The following CFAP92 variants were observed in gnomAD, a reference collection of about 807,000 sequenced individuals.
CFAP92 encodes the protein cilia and flagella associated protein 92 (putative), also known as uncharacterized protein CFAP92.
In CFAP92, 86 loss-of-function variants were observed where a neutral mutation model predicts 106.3. The ratio of observed to expected loss-of-function variants is 0.81; its 90% CI spans 0.68 to 0.97. The LOEUF (loss-of-function observed/expected upper bound fraction) is 0.97, where lower values mean the gene tolerates loss of function less well. Ranked by LOEUF, CFAP92 falls within the 50% of genes least tolerant of loss-of-function variation. The pLI is 0.00. For synonymous variants in CFAP92, 477 were observed against 506.4 expected (o/e 0.94, Z 0.78); for missense variants, 1,204 against 1,283.8 (o/e 0.94, Z 0.95).
At chr3:128,995,998 T>G (rs1023579692), upstream of CFAP92, among the ~76,000 whole-genome samples, 2 of 152,090 alleles carry the variant, frequency 1.3e-5, no homozygotes, top group Non-Finnish European at 2.9e-5. Context: ...GTCAAAAGAG[T>G]GCAGAGGAAA....
Position 128,910,903 on chromosome 3 carries a change from A to G in CFAP92, c.3281-570T>C. ...TGTTTCTGGACCCTGTCAAGCTCCC[A>G]GAGCCTGCTAGCTACTCACAGACCT... On this transcript the variant is annotated intron_variant, in intron 15 of 15. Coordinates refer to ENST00000645291, the MANE Select transcript of CFAP92 (RefSeq NM_001394090.1). 3 of 1,458,000 alleles carry G rather than the reference A, an allele frequency of 2.1e-6. No individual in the cohort carries two copies. The African/African-American group carries it at 4.2e-5, about 20-fold the overall frequency. The allele number at this position is 1,458,000 out of a possible 1,614,324, so 90.3% of individuals were successfully genotyped here.
chr3:129,004,947 A>G (rs551746152), upstream of CFAP92, among the ~76,000 whole-genome samples: 32 of 152,290 alleles, frequency 2.1e-4, no homozygotes, highest in South Asian at 6.0e-3. Flanking sequence ...GGTGGAACAC[A>G]GATTGGGGTC....
chr3:128,912,904 C>T (rs1200091367), intron 15 of CFAP92: 2 of 570,020 alleles, frequency 3.5e-6, no homozygotes, highest in South Asian at 1.4e-5. Flanking sequence ...ATAGTGGAAA[C>T]TGGGGCTTAT....
At chr3:128,951,661 GAA>G (rs1940820432) in intron 9 of CFAP92, among the ~76,000 whole-genome samples, 1 of 152,156 alleles carries the variant, frequency 6.6e-6, no homozygotes, top group African/African-American at 2.4e-5. Flanking sequence ...AGGACCCCAA[GAA>G]AAGTCTGCTT....
Position 128,971,318 on chromosome 3 carries a change from G to A in CFAP92, c.1137C>T (p.Ser379=). 2 of 1,613,692 alleles carry A rather than the reference G, an allele frequency of 1.2e-6. No individual in the cohort carries two copies. The highest frequency in any genetic ancestry group is 1.7e-4 in the Middle Eastern group (1 of 6,060). The part of the protein sequence containing the change: ...LTGPRKQSAF[S]IQLAVMPLLA... Reference sequence around the variant, plus strand: ...GGAGCGGCATGACGGCCAGCTGGATGGAGAAAGCGCTCTGCTTCCTGGGGC... The same window carrying A: ...GGAGCGGCATGACGGCCAGCTGGATAGAGAAAGCGCTCTGCTTCCTGGGGC... Residue 379 remains serine (S), a synonymous_variant, in exon 8 of 16, where the codon TCC becomes TCT. Transcript: ENST00000645291.
At chr3:128,989,081 T>A (rs1944046219) in intron 2 of CFAP92, among the ~76,000 whole-genome samples, 163 bp from the exon 3 acceptor site, 1 of 151,882 alleles carries the variant, frequency 6.6e-6, no homozygotes, top group Non-Finnish European at 1.5e-5. Context: ...GCCAGCAGAG[T>A]AGCACGACCT....
Position 128,945,297 on chromosome 3 carries a change from G to A in CFAP92, c.2032C>T (p.Gln678Ter). The A allele has an allele frequency of 6.5e-7, 1 of 1,536,172 alleles. No homozygotes were observed. Among genetic ancestry groups the A allele is most frequent in the Non-Finnish European group, 8.7e-7 (1 of 1,146,914 alleles). The stretch of plus-strand genomic sequence containing the variant: ...TTAGCGTTGATCATGGTGATGTCCT[G>A]CAGCAGGCTGTGGAGCAGGGAGACC... Reference protein sequence around the residue: ...KKVSLLHSLLQDITMINAKAL... With the variant: ...KKVSLLHSLL Residue 678 changes from glutamine (Q) to a stop codon, truncating the protein, a stop_gained, in exon 10 of 16, where the codon CAG becomes TAG. Transcript: ENST00000645291. LOFTEE classifies it high-confidence loss of function.
In CFAP92 at chr3:128,914,916, C is replaced by T. The variant is rs976121481; in HGVS notation, c.3280+203G>A. 3 of 581,246 alleles carry T rather than the reference C, an allele frequency of 5.2e-6. No individual in the cohort carries two copies. The African/African-American group carries it at 5.6e-5, about 11-fold the overall frequency. The allele number at this position is 581,246 out of a possible 1,614,324, so 36.0% of individuals were successfully genotyped here. A position where few individuals can be genotyped will look rare whatever the true frequency, so the allele number is the denominator to read the frequency against. On this transcript the variant is annotated intron_variant, in intron 15 of 15. Coordinates refer to ENST00000645291, the MANE Select transcript of CFAP92 (RefSeq NM_001394090.1). ...TGCCTCAAGTCACACAAATGTCACA[C>T]TTGGGGCTAGAATCCTGGTCTGAGT...
intron 9 of CFAP92, among the ~76,000 whole-genome samples, chr3:128,957,200 G>T (rs1483502207): frequency 6.6e-6 from 1 of 152,150 alleles, no homozygotes; most frequent in Non-Finnish European, 1.5e-5. Context: ...AGGAAGAAAG[G>T]ATAATGGAAT....
At chr3:128,984,865 C>T (rs758218690) in intron 4 of CFAP92, among the ~76,000 whole-genome samples, 11 of 152,188 alleles carry the variant, frequency 7.2e-5, no homozygotes, top group Non-Finnish European at 1.3e-4. Context: ...TGAGGCAGAA[C>T]TCTTACAGCA....
In CFAP92 at chr3:128,915,136, G is replaced by A; in HGVS notation, c.3263C>T (p.Ala1088Val). The change falls in exon 15 of 16, where the codon GCA (alanine) becomes GTA (valine). Residue 1088 changes from alanine (A) to valine (V), a missense_variant. Coordinates refer to ENST00000645291, the MANE Select transcript of CFAP92 (RefSeq NM_001394090.1). ...CCTGTTACCTGTTACAGGCTTTGGT[G>A]CGGGCGAAGGGAGCAGCTCGAGGAA... Reference protein sequence around the residue: ...PPFLELLPSPAPKPVTVRKKK... With the variant: ...PPFLELLPSPVPKPVTVRKKK... 13 of 1,536,074 alleles carry A rather than the reference G, an allele frequency of 8.5e-6. No homozygotes were observed. Among genetic ancestry groups the A allele is most frequent in the East Asian group, 2.4e-5 (1 of 40,918 alleles).
At chr3:128,987,589 G>A in intron 4 of CFAP92, 27 bp downstream of exon 4, 1 of 1,602,064 alleles carries the variant, frequency 6.2e-7, no homozygotes, top group Non-Finnish European at 8.5e-7. Context: ...CAGGCTTCCA[G>A]AACCATTTCA....
chr3:128,993,997 G>A lies in CFAP92; in HGVS notation c.-50C>T. 1.0e-6 allele frequency: 1 copy of A among 987,414 alleles called. No homozygotes were observed. The highest frequency in any genetic ancestry group is 1.2e-6 in the Non-Finnish European group (1 of 831,018). The allele number at this position is 987,414 out of a possible 1,614,324, so 61.2% of individuals were successfully genotyped here. A position where few individuals can be genotyped will look rare whatever the true frequency, so the allele number is the denominator to read the frequency against. ...GGCGGTACCTGCGAGCGGATGCGCTGGGCGGCAGCGGGGAGTTGGACCGCG... is the reference window on the plus strand; with the variant it reads ...GGCGGTACCTGCGAGCGGATGCGCTAGGCGGCAGCGGGGAGTTGGACCGCG... On this transcript the variant is annotated 5_prime_UTR_variant, in exon 1 of 16. Transcript: ENST00000645291.
chr3:128,932,649 A>C, intron 12 of CFAP92, 51 bp downstream of exon 12: 1 of 1,486,238 alleles, frequency 6.7e-7, no homozygotes, highest in Non-Finnish European at 8.9e-7. Context: ...AGGCGCCTGG[A>C]CCGCCCAGGT....
intron 12 of CFAP92, among the ~76,000 whole-genome samples, chr3:128,918,112 C>T (rs1461644486): frequency 6.6e-6 from 1 of 152,176 alleles, no homozygotes; most frequent in African/African-American, 2.4e-5. Context: ...AATTTCATAT[C>T]CAAGCAAACT....
intron 9 of CFAP92, among the ~76,000 whole-genome samples, chr3:128,949,184 A>C (rs971261341): frequency 1.2e-4 from 19 of 152,208 alleles, no homozygotes; most frequent in African/African-American, 4.6e-4. Context: ...TACTTAACAT[A>C]TAGCCTAGCA....
rs757196550 is a variant in CFAP92 at position 128,978,069 on chromosome 3, C to T, written c.784G>A (p.Glu262Lys). The change falls in exon 5 of 16, where the codon GAA becomes AAA. Residue 262 changes from glutamate to lysine, a missense_variant. Coordinates refer to ENST00000645291, the MANE Select transcript of CFAP92 (RefSeq NM_001394090.1). Reference sequence around the variant, plus strand: ...CCTTGCAAAGACTTTGGGTGTTTTTCTGTTTTTTCTTGTTTTCCTGGCGGA... The same window carrying T: ...CCTTGCAAAGACTTTGGGTGTTTTTTTGTTTTTTCTTGTTTTCCTGGCGGA... ...EHPPGKQEKT[E>K]KHPKSLQGSH... 7 of 1,613,986 alleles carry T rather than the reference C, an allele frequency of 4.3e-6. No homozygotes were observed. The highest frequency in any genetic ancestry group is 2.2e-5 in the South Asian group (2 of 91,080).
At chr3:128,933,104 G>C (rs963864177) in intron 11 of CFAP92, 107 bp from the exon 12 acceptor site, 63 of 1,043,744 alleles carry the variant, frequency 6.0e-5, no homozygotes, top group Non-Finnish European at 7.8e-5. Context: ...TGCTTAGCTG[G>C]TCCCAAGTCC....
At chr3:128,938,678 G>C (rs1939315583) in intron 10 of CFAP92, among the ~76,000 whole-genome samples, 2 of 151,838 alleles carry the variant, frequency 1.3e-5, no homozygotes, top group Admixed American at 6.6e-5. Flanking sequence ...ATTTTTAGTA[G>C]AGACAGGGTT....
Sources: gnomAD v4.1 joint callset for allele counts (sites outside exome capture counted in the v4.1 genomes callset) on GRCh38, gnomAD v4.1.1 for gene constraint, MANE v1.5 for transcripts, NCBI Gene and HGNC (gene_info 2026-07-23, HGNC 2026-07-21) for gene names.